The following PIGK variants were observed in gnomAD, a reference collection of about 807,000 sequenced individuals.
The protein encoded by PIGK is phosphatidylinositol glycan anchor biosynthesis class K.
Under a neutral mutation model 50.6 loss-of-function variants are expected in PIGK, and 42 were observed. That is an observed-to-expected ratio of 0.83 (90% CI 0.65 to 1.07). The LOEUF is 1.07. Ranked by LOEUF, PIGK falls within the 50% of genes least tolerant of loss-of-function variation. PIGK has a pLI of 0.00. For synonymous variants in PIGK, 151 were observed against 156.0 expected (o/e 0.97, Z 0.24); for missense variants, 448 against 488.7 (o/e 0.92, Z 0.78).
At chr1:77,146,776 G>A (rs1028643675) in intron 9 of PIGK, among the ~76,000 whole-genome samples, 8 of 151,560 alleles carry the variant, frequency 5.3e-5, no homozygotes, top group Admixed American at 1.3e-4. Context: ...CAGCCTGGGC[G>A]ACACAGCGAG....
chr1:77,129,643 A>C, intron 9 of PIGK: 1 of 1,444,710 alleles, frequency 6.9e-7, no homozygotes, highest in Admixed American at 1.7e-5. Flanking sequence ...AAACTGAAGA[A>C]ACAAAAACTT....
chr1:77,179,004 C>CT (rs1350727822), intron 3 of PIGK, among the ~76,000 whole-genome samples: 3 of 152,180 alleles, frequency 2.0e-5, no homozygotes, highest in African/African-American at 4.8e-5. Flanking sequence ...CTGTTTTGGA[C>CT]TGAGATCATG....
intron 9 of PIGK, among the ~76,000 whole-genome samples, chr1:77,138,339 C>T (rs1013210029): frequency 6.6e-6 from 1 of 152,286 alleles, no homozygotes; most frequent in African/African-American, 2.4e-5. Context: ...CACAAACAGC[C>T]ATACTGTGAA....
intron 10 of PIGK, among the ~76,000 whole-genome samples, chr1:77,099,938 ACTTAAAAGCTTAAGGGCTACCCT>A (rs1434904192): frequency 2.1e-4 from 32 of 151,828 alleles, no homozygotes; most frequent in Non-Finnish European, 2.5e-4. Flanking sequence ...ATAAGCAAAC[ACTTAAAAGCTTAAGGGCTACCCT>A]CTTATTGAAA....
rs527346814 is a variant in PIGK, at chr1:77,126,303, C to T, written c.987-3944G>A. Among the ~76,000 whole-genome samples the T allele has an allele frequency of 1.7e-4, 26 of 152,172 alleles. No individual in the cohort carries two copies. In the East Asian group the frequency reaches 5.0e-3, roughly 29 times the overall value. On this transcript the variant is annotated intron_variant, in intron 9 of 10. Transcript: ENST00000370812. ...TACTGTGACTTTGTAAAGGTGCTGG[C>T]TTCTTTTTCTGTTGAGGATTATTTG...
chr1:77,169,045 A>G (rs1229158036), intron 4 of PIGK, among the ~76,000 whole-genome samples: 1 of 152,096 alleles, frequency 6.6e-6, no homozygotes, highest in Non-Finnish European at 1.5e-5. Context: ...AGCCAATATA[A>G]AGTTTTTCTG....
intron 3 of PIGK, among the ~76,000 whole-genome samples, chr1:77,188,377 A>G (rs1380844502): frequency 6.6e-6 from 1 of 152,188 alleles, no homozygotes; most frequent in Admixed American, 6.5e-5. Flanking sequence ...GAGATGAAAT[A>G]TACTCCAGTC....
chr1:77,173,574 T>C (rs541234740), intron 3 of PIGK, among the ~76,000 whole-genome samples: 4 of 152,332 alleles, frequency 2.6e-5, no homozygotes, highest in African/African-American at 9.6e-5. Context: ...CTGGCCTCTC[T>C]CTGTGCAAAC....
At chr1:77,149,727 A>C (rs980738935) in intron 9 of PIGK, among the ~76,000 whole-genome samples, 1 of 152,156 alleles carries the variant, frequency 6.6e-6, no homozygotes, top group Non-Finnish European at 1.5e-5. Context: ...ATTGGAGTCT[A>C]TACTCTAGAC....
Position 77,166,806 on chromosome 1 carries a change from C to A in PIGK, c.400G>T (p.Val134Leu), listed in dbSNP as rs1196575856. The A allele has an allele frequency of 6.3e-7, 1 of 1,591,806 alleles. No individual in the cohort carries two copies. Among genetic ancestry groups the A allele is most frequent in the East Asian group, 2.2e-5 (1 of 44,624 alleles). ...CTAGGTGGGATCCTCCCAGTTAATA[C>A]CCGTAAAAAATTCTCCACAGTTACC... ...YEVTVENFLR[V>L]LTGRIPPSTP... is the part of the protein sequence containing the mutation. The change falls in exon 5 of 11, where the codon GTA (valine) becomes TTA (leucine). Residue 134 changes from valine to leucine, a missense_variant. Physicochemically the swap from Val to Leu is conservative, Grantham distance 32. Coordinates refer to ENST00000370812, the MANE Select transcript of PIGK (RefSeq NM_005482.3).
At position 77,161,195 on chromosome 1, in the gene PIGK, C is replaced by T. The variant is rs1655120191; in HGVS notation, c.813+100G>A. 2.6e-5 allele frequency: 18 copies of T among 679,374 alleles called. No homozygotes were observed. The South Asian group carries it at 3.1e-4, about 12-fold the overall frequency. The allele number at this position is 679,374 out of a possible 1,614,324, so 42.1% of individuals were successfully genotyped here. Reference sequence around the variant, plus strand: ...TAGTTTTAAAAGCTATAATTCAACACATAAAACAAGATCCTCTAGGAGTGC... The same window carrying T: ...TAGTTTTAAAAGCTATAATTCAACATATAAAACAAGATCCTCTAGGAGTGC... On this transcript the variant is annotated intron_variant, in intron 8 of 10. Coordinates refer to ENST00000370812, the MANE Select transcript of PIGK (RefSeq NM_005482.3).
At chr1:77,143,206 TA>T (rs1272734165) in intron 9 of PIGK, among the ~76,000 whole-genome samples, 1 of 152,176 alleles carries the variant, frequency 6.6e-6, no homozygotes, top group African/African-American at 2.4e-5. Context: ...TAATTAGTAA[TA>T]AATAATCCTC....
intron 10 of PIGK, among the ~76,000 whole-genome samples, chr1:77,110,329 T>C (rs867890207): frequency 2.6e-5 from 4 of 152,196 alleles, no homozygotes; most frequent in South Asian, 2.1e-4. Flanking sequence ...AGAACAAAGC[T>C]GGAGGCATCA....
chr1:77,113,787 A>G (rs548878271), intron 10 of PIGK, among the ~76,000 whole-genome samples: 1 of 152,290 alleles, frequency 6.6e-6, no homozygotes, highest in Admixed American at 6.5e-5. Context: ...ATAGGTGACC[A>G]CATAGCAAAA....
chr1:77,114,158 G>C (rs755578410), intron 10 of PIGK, among the ~76,000 whole-genome samples: 1 of 152,108 alleles, frequency 6.6e-6, no homozygotes, highest in Non-Finnish European at 1.5e-5. Flanking sequence ...GTGAAAAAAT[G>C]TTCATAAGGA....
intron 10 of PIGK, among the ~76,000 whole-genome samples, chr1:77,110,114 C>T (rs1241679441): frequency 2.0e-5 from 3 of 152,078 alleles, no homozygotes; most frequent in Admixed American, 6.6e-5. Context: ...TAAAAGAGGA[C>T]ACAAACAAAT....
intron 3 of PIGK, among the ~76,000 whole-genome samples, chr1:77,175,277 T>G (rs1162729965): frequency 6.6e-6 from 1 of 152,160 alleles, no homozygotes; most frequent in African/African-American, 2.4e-5. Context: ...CCTCTAGCTA[T>G]GCAAAGAAGG....
chr1:77,107,493 A>C (rs1265134427), intron 10 of PIGK, among the ~76,000 whole-genome samples: 1 of 152,210 alleles, frequency 6.6e-6, no homozygotes, highest in Non-Finnish European at 1.5e-5. Context: ...TTTGCTGAGG[A>C]GTGCTTTACT....
chr1:77,177,027 C>T (rs542371997), intron 3 of PIGK, among the ~76,000 whole-genome samples: 10 of 152,300 alleles, frequency 6.6e-5, no homozygotes, highest in South Asian at 4.1e-4. Context: ...GGTTACCTGA[C>T]GGTAACCAGA....
Sources: allele counts gnomAD v4.1 joint callset (sites outside exome capture counted in the v4.1 genomes callset), GRCh38; gene constraint gnomAD v4.1.1; transcripts MANE v1.5; gene names NCBI Gene and HGNC (gene_info 2026-07-23, HGNC 2026-07-21).